PFKFB2: variants seen among roughly 807,000 people sequenced by gnomAD.
PFKFB2 encodes the protein 6-phosphofructo-2-kinase/fructose-2,6-bisphosphatase 2.
In PFKFB2, 53 loss-of-function variants were observed where a neutral mutation model predicts 68.0. The observed-to-expected ratio is 0.78, with a 90% confidence interval of 0.63 to 0.98. PFKFB2 has a LOEUF of 0.98. PFKFB2 is among the 50% of genes least tolerant of loss of function. The pLI, the probability that PFKFB2 is intolerant of heterozygous loss-of-function variation, is 0.00. For missense variants in PFKFB2, 451 were observed against 642.0 expected, an observed-to-expected ratio of 0.70 and a Z score of 3.22; for synonymous variants, 222 against 227.6, an observed-to-expected ratio of 0.98 and a Z score of 0.22.
upstream of PFKFB2, chr1:207,053,117 C>G (rs1682803004): frequency 6.6e-6 from 1 of 152,342 alleles, no homozygotes; most frequent in African/African-American, 2.4e-5. Context: ...GTTCCGACTT[C>G]CAGCCGCCTT....
chr1:207,059,173 T>A (rs916594616), intron 2 of PFKFB2, among the ~76,000 whole-genome samples: 1 of 152,118 alleles, frequency 6.6e-6, no homozygotes, highest in East Asian at 1.9e-4. Context: ...CAGTTTTTTG[T>A]TGTTGTTGTT....
In PFKFB2 at chr1:207,071,587, C is replaced by T; in HGVS notation, c.1350+14C>T. 6.3e-7 allele frequency: 1 copy of T among 1,596,686 alleles called. No homozygotes were observed. The highest frequency in any genetic ancestry group is 8.6e-7 in the Non-Finnish European group (1 of 1,164,156). ...GACAAGCCAACTGTAAGTATTTTCC[C>T]ACGATGAACACACCAGTTTCCCTGC... On this transcript the variant is annotated intron_variant, in intron 14 of 14. Coordinates refer to ENST00000367080, the MANE Select transcript of PFKFB2 (RefSeq NM_006212.2).
intron 2 of PFKFB2, among the ~76,000 whole-genome samples, chr1:207,057,302 C>CAAAAAAAAA: frequency 2.5e-5 from 1 of 40,382 alleles, no homozygotes; most frequent in Non-Finnish European, 5.0e-5. Context: ...AAAAAAACTA[C>CAAAAAAAAA]AAAAAAAAAA....
At chr1:207,066,987 T>C (rs1158591240) in intron 8 of PFKFB2, among the ~76,000 whole-genome samples, 3 of 152,204 alleles carry the variant, frequency 2.0e-5, no homozygotes, top group Admixed American at 6.5e-5. Context: ...CAATCTCATG[T>C]TGGCCTCAAA....
upstream of PFKFB2, chr1:207,051,034 G>C (rs1682736910): frequency 6.7e-7 from 1 of 1,499,004 alleles, no homozygotes; most frequent in Non-Finnish European, 8.9e-7. Flanking sequence ...CAAACATCGC[G>C]AGAAGTTGCG....
upstream of PFKFB2, among the ~76,000 whole-genome samples, chr1:207,050,096 C>T (rs1002112108): frequency 2.7e-5 from 4 of 150,466 alleles, no homozygotes; most frequent in African/African-American, 9.7e-5. Context: ...AACTTATCTA[C>T]TCTAGAGTGT....
At chr1:207,058,035 C>T (rs1446100814) in intron 2 of PFKFB2, among the ~76,000 whole-genome samples, 1 of 152,190 alleles carries the variant, frequency 6.6e-6, no homozygotes, top group Non-Finnish European at 1.5e-5. Context: ...CTAATTTGCT[C>T]TCCTAAGAAG....
Position 207,070,434 on chromosome 1 carries a change from GAC to G in PFKFB2, c.1222+29_1222+30del, listed in dbSNP as rs1558065030. 6 of 1,611,222 alleles carry G rather than the reference GAC, an allele frequency of 3.7e-6. No individual in the cohort carries two copies. Among genetic ancestry groups the G allele is most frequent in the Non-Finnish European group, 5.1e-6 (6 of 1,178,386 alleles). On this transcript the variant is annotated intron_variant, in intron 12 of 14. Transcript: ENST00000367080. The surrounding 1 kb of genome is among the most constrained non-coding windows in gnomAD (Gnocchi z 4.2). ...GGTGCCTTTGAGGGAGGGGCTGGGA[GAC>G]ACATCCAGTGGGAGAGGGCTGGACT...
Position 207,063,255 on chromosome 1 carries a change from GCAGC to G in PFKFB2, c.375+48_375+51del, listed in dbSNP as rs1240062264. On this transcript the variant is annotated intron_variant, in intron 5 of 14. Transcript: ENST00000367080. The surrounding 1 kb of genome is among the most constrained non-coding windows in gnomAD (Gnocchi z 4.1). ...CTTCTTTCTGGTCCCCACCCTTGCA[GCAGC>G]CTGGCTACCCAGCCCCACCTTGAGT... The G allele has an allele frequency of 1.0e-5, 16 of 1,594,782 alleles. 1 individual carries two copies. The African/African-American group carries it at 1.3e-4, about 13-fold the overall frequency.
rs1354262311 is a variant in PFKFB2 at position 207,070,817 on chromosome 1, C to T, written c.1223-371C>T. 7 of 277,068 alleles carry T rather than the reference C, an allele frequency of 2.5e-5. No homozygotes were observed. Among genetic ancestry groups the T allele is most frequent in the African/African-American group, 1.6e-4 (7 of 44,646 alleles). The allele number at this position is 277,068 out of a possible 1,614,324, so 17.2% of individuals were successfully genotyped here. A position where few individuals can be genotyped will look rare whatever the true frequency, so the allele number is the denominator to read the frequency against. ...CTTCTTCCATACTTCGCTTCCCGAT[C>T]TTCGGGAGCTCCTGGGAAGCCTGCA... On this transcript the variant is annotated intron_variant, in intron 12 of 14. Transcript: ENST00000367080. The surrounding 1 kb of genome is among the most constrained non-coding windows in gnomAD (Gnocchi z 4.2).
In PFKFB2 at chr1:207,076,718, T is replaced by C. The variant is rs1358204276; in HGVS notation, c.*4347T>C. ...TTGACCAACTGGTAGACCAGGAGGA[T>C]CTGTGTGCTGATTGACTCTAGTAGG... On this transcript the variant is annotated 3_prime_UTR_variant, in exon 15 of 15. Transcript: ENST00000367080. 1 of 911,682 alleles carries C rather than the reference T, an allele frequency of 1.1e-6. No homozygotes were observed. The highest frequency in any genetic ancestry group is 1.3e-6 in the Non-Finnish European group (1 of 793,250). 56.5% of individuals were successfully genotyped at this position (911,682 alleles called of 1,614,324 possible).
In PFKFB2 at chr1:207,063,419, A is replaced by T; in HGVS notation, c.448A>T (p.Lys150Ter). ...ILNFAEQNSF[K>*]VFFVESVCDD... Reference sequence around the variant, plus strand: ...GAACTTTGCTGAACAGAATTCCTTCAAGGTAGGATCTGACTCCATGTTGGA... The same window carrying T: ...GAACTTTGCTGAACAGAATTCCTTCTAGGTAGGATCTGACTCCATGTTGGA... Residue 150 changes from lysine to a stop codon, truncating the protein, a stop_gained and splice_region_variant, in exon 6 of 15, where the codon AAG becomes TAG. Transcript: ENST00000367080. LOFTEE classifies it high-confidence loss of function. This position sits in a 1 kb window ranked among gnomAD's most constrained non-coding sequence, Gnocchi z 4.1. The T allele has an allele frequency of 6.2e-7, 1 of 1,610,048 alleles. No homozygotes were observed. The highest frequency in any genetic ancestry group is 2.2e-5 in the East Asian group (1 of 44,858).
rs2102281261 is a variant in PFKFB2 at position 207,072,058 on chromosome 1, G to C, written c.1351-146G>C. On this transcript the variant is annotated intron_variant, in intron 14 of 14. Coordinates refer to ENST00000367080, the MANE Select transcript of PFKFB2 (RefSeq NM_006212.2). ...TAGCCCCCTGATGCTAGGAGGCCAG[G>C]CCATGGGCCATGCCCTGTGAGGGAC... The C allele has an allele frequency of 2.9e-6, 4 of 1,401,330 alleles. No homozygotes were observed. The East Asian group carries it at 9.5e-5, about 33-fold the overall frequency. The allele number at this position is 1,401,330 out of a possible 1,614,324, so 86.8% of individuals were successfully genotyped here.
rs372201337 is a variant in PFKFB2, at chr1:207,077,691, C to T, written c.*5320C>T. On this transcript the variant is annotated 3_prime_UTR_variant, in exon 15 of 15. Transcript: ENST00000367080. ...GTCTTTAGCAACATTCTGATTTAAT[C>T]GGGTGACACTGATAACAAAGTATGC... 6 of 985,516 alleles carry T rather than the reference C, an allele frequency of 6.1e-6. No homozygotes were observed. Among genetic ancestry groups the T allele is most frequent in the African/African-American group, 1.7e-5 (1 of 57,198 alleles). The allele number at this position is 985,516 out of a possible 1,614,324, so 61.0% of individuals were successfully genotyped here. A position where few individuals can be genotyped will look rare whatever the true frequency, so the allele number is the denominator to read the frequency against.
intron 2 of PFKFB2, chr1:207,045,261 A>G (rs987263871): frequency 5.9e-5 from 9 of 152,498 alleles, no homozygotes; most frequent in African/African-American, 1.9e-4. Context: ...ACTGCATTGT[A>G]TAATAATACA....
rs538616916 is a variant in PFKFB2 at position 207,064,543 on chromosome 1, A to G, written c.508-493A>G. On this transcript the variant is annotated intron_variant, in intron 7 of 14. Transcript: ENST00000367080. ...GCTCCTTATTCCCTGTGGGGTCACA[A>G]TGTAAGCCAGTCCCCATTGGATGGG... is the stretch of plus-strand genomic sequence containing the variant. Among the ~76,000 whole-genome samples the G allele has an allele frequency of 6.2e-4, 95 of 152,286 alleles. 1 individual carries two copies. Among genetic ancestry groups the G allele is most frequent in the African/African-American group, 2.1e-3 (87 of 41,562 alleles).
At position 207,077,227 on chromosome 1, in the gene PFKFB2, ATGT is replaced by A. The variant is rs1361781142; in HGVS notation, c.*4860_*4862del. ...TGTCCCCAGCTTACCCTGTTCTGAA[ATGT>A]TGTATTCCATTGGACAGGGCTGCTA... On this transcript the variant is annotated 3_prime_UTR_variant, in exon 15 of 15. Transcript: ENST00000367080. 2 of 985,152 alleles carry A rather than the reference ATGT, an allele frequency of 2.0e-6. No homozygotes were observed. The highest frequency in any genetic ancestry group is 6.2e-5 in the Admixed American group (1 of 16,246). 61.0% of individuals were successfully genotyped at this position (985,152 alleles called of 1,614,324 possible).
intron 1 of PFKFB2, among the ~76,000 whole-genome samples, chr1:207,039,792 A>T (rs1682443663): frequency 6.6e-6 from 1 of 151,876 alleles, no homozygotes; most frequent in Non-Finnish European, 1.5e-5. Flanking sequence ...GATAGTGAAG[A>T]ATTTGGCAGG....
intron 1 of PFKFB2, among the ~76,000 whole-genome samples, chr1:207,037,249 A>T (rs556861827): frequency 6.6e-6 from 1 of 152,276 alleles, no homozygotes; most frequent in South Asian, 2.1e-4. Context: ...TTTTTAAAAA[A>T]CTATTTTCTC....
Sources: allele counts gnomAD v4.1 joint callset (sites outside exome capture counted in the v4.1 genomes callset), GRCh38; gene constraint gnomAD v4.1.1; non-coding constraint Gnocchi (gnomAD v3.1); transcripts MANE v1.5; gene names NCBI Gene and HGNC (gene_info 2026-07-23, HGNC 2026-07-21).